SOX5: variants seen among roughly 807,000 people sequenced by gnomAD.
SOX5 encodes transcription factor SOX-5.
SOX5 carries 9 observed loss-of-function variants against 92.0 expected under a neutral mutation model. The ratio of observed to expected loss-of-function variants is 0.10; its 90% confidence interval spans 0.06 to 0.17. The LOEUF is 0.17. Ranked by LOEUF, SOX5 falls within the 10% of genes least tolerant of loss-of-function variation. The pLI is 1.00. For missense variants in SOX5, 642 were observed against 944.5 expected, an observed-to-expected ratio of 0.68 and a Z score of 4.20; for synonymous variants, 344 against 336.3, an observed-to-expected ratio of 1.02 and a Z score of -0.25.
At position 23,697,480 on chromosome 12, in the gene SOX5, C is replaced by T. The variant is rs535851879; in HGVS notation, c.811-31916G>A. 5.9e-5 allele frequency among the ~76,000 whole-genome samples: 9 copies of T among 152,132 alleles called. No individual in the cohort carries two copies. The South Asian group carries it at 1.9e-3, about 32-fold the overall frequency. On this transcript the variant is annotated intron_variant, in intron 6 of 14. Transcript: ENST00000451604. ...TGCAGACAACATACAGGTGTGTCTT[C>T]CTTCTTTTTTGTTAACTTGACAATC...
intron 4 of SOX5, among the ~76,000 whole-genome samples, chr12:23,970,715 A>G (rs867941148): frequency 6.7e-6 from 1 of 148,800 alleles, no homozygotes; most frequent in African/African-American, 2.5e-5. Context: ...TGTTTCCAAC[A>G]TTTGACCATT....
chr12:24,337,365 G>T (rs1441026003), intron 2 of SOX5, among the ~76,000 whole-genome samples: 1 of 148,802 alleles, frequency 6.7e-6, no homozygotes, highest in African/African-American at 2.5e-5. Context: ...AAGAGAGAGA[G>T]AGTTTCACTC....
chr12:24,444,629 G>T (rs1408041036), intron 1 of SOX5, among the ~76,000 whole-genome samples: 3 of 152,148 alleles, frequency 2.0e-5, no homozygotes. Context: ...AGTGCTCACA[G>T]CTTGGCCCCT....
intron 1 of SOX5, among the ~76,000 whole-genome samples, chr12:23,934,243 T>A (rs1207198819): frequency 1.3e-5 from 2 of 151,334 alleles, no homozygotes; most frequent in Non-Finnish European, 3.0e-5. Flanking sequence ...TAGAAAATAA[T>A]AAACATAAAC....
intron 8 of SOX5, among the ~76,000 whole-genome samples, chr12:23,639,035 G>A (rs992254730): frequency 8.6e-5 from 13 of 151,934 alleles, no homozygotes; most frequent in Non-Finnish European, 1.6e-4. Context: ...ATTTTAATGG[G>A]TACAATACCA....
At chr12:23,784,841 G>A (rs1214951922) in intron 3 of SOX5, among the ~76,000 whole-genome samples, 4 of 152,246 alleles carry the variant, frequency 2.6e-5, no homozygotes, top group Admixed American at 2.6e-4. Context: ...CTTTGAGAGG[G>A]TAAGGTGGGA....
intron 2 of SOX5, among the ~76,000 whole-genome samples, chr12:23,866,458 T>A (rs373395379): frequency 6.6e-6 from 1 of 152,214 alleles, no homozygotes; most frequent in South Asian, 2.1e-4. Flanking sequence ...TAAGCCTCTG[T>A]CACTAGGAGA....
At chr12:24,527,233 T>A (rs1383142462) in intron 1 of SOX5, among the ~76,000 whole-genome samples, 2 of 152,156 alleles carry the variant, frequency 1.3e-5, no homozygotes, top group East Asian at 3.8e-4. Context: ...CACCAACCCA[T>A]GAGCTAGCTA....
intron 9 of SOX5, among the ~76,000 whole-genome samples, chr12:23,595,889 C>CACA (rs1267584712): frequency 2.6e-5 from 4 of 152,136 alleles, no homozygotes; most frequent in African/African-American, 9.7e-5. Flanking sequence ...ATCCTTGTAA[C>CACA]ACAACTGTAC....
At position 23,593,033 on chromosome 12, in the gene SOX5, C is replaced by T. The variant is rs777638526; in HGVS notation, c.1164+11354G>A. Among the ~76,000 whole-genome samples, 19 of 152,070 alleles carry T rather than the reference C, an allele frequency of 1.2e-4. No homozygotes were observed. In the East Asian group the frequency reaches 1.9e-3, roughly 15 times the overall value. On this transcript the variant is annotated intron_variant, in intron 9 of 14. Coordinates refer to ENST00000451604, the MANE Select transcript of SOX5 (RefSeq NM_006940.6). ...GGCAAAGGTTGCAGTGAGCCAAGAT[C>T]GCGCCCCTGCACTCCAGCCTGGGCA...
In SOX5 at chr12:23,534,339, T is replaced by C. The variant is rs778096714; in HGVS notation, c.2172A>G (p.Glu724=). Residue 724 remains glutamate (E), a synonymous_variant, in exon 15 of 15, where the codon GAA becomes GAG. Coordinates refer to ENST00000451604, the MANE Select transcript of SOX5 (RefSeq NM_006940.6). ...GVKGEEPHIK[E]EIQAEDINGE... ...CATTGATGTCCTCGGCCTGTATCTC[T>C]TCTTTGATATGTGGCTCCTCTCCTT... 27 of 1,614,020 alleles carry C rather than the reference T, an allele frequency of 1.7e-5. No individual in the cohort carries two copies. The East Asian group carries it at 5.6e-4, about 33-fold the overall frequency.
At chr12:24,360,514 T>C (rs1184222589) in intron 2 of SOX5, among the ~76,000 whole-genome samples, 2 of 152,204 alleles carry the variant, frequency 1.3e-5, no homozygotes, top group Non-Finnish European at 2.9e-5. Context: ...TAAGGCCTTG[T>C]TAGCAAGGCA....
chr12:24,381,370 A>C (rs917071052), intron 1 of SOX5, among the ~76,000 whole-genome samples: 2 of 152,236 alleles, frequency 1.3e-5, no homozygotes, highest in Non-Finnish European at 2.9e-5. Flanking sequence ...TGAGAGTACT[A>C]GGCAGGCCCT....
chr12:23,995,473 T>A (rs930028186), intron 4 of SOX5, among the ~76,000 whole-genome samples: 1 of 152,126 alleles, frequency 6.6e-6, no homozygotes, highest in African/African-American at 2.4e-5. Context: ...GGCAGAAGGA[T>A]CACTTGAGGC....
rs1399069395 is a variant in SOX5 at position 23,559,131 on chromosome 12, A to G, written c.1488+4127T>C. 3.9e-5 allele frequency among the ~76,000 whole-genome samples: 6 copies of G among 152,184 alleles called. No homozygotes were observed. In the East Asian group the frequency reaches 1.2e-3, roughly 29 times the overall value. On this transcript the variant is annotated intron_variant, in intron 11 of 14. Coordinates refer to ENST00000451604, the MANE Select transcript of SOX5 (RefSeq NM_006940.6). Reference sequence around the variant, plus strand: ...CAGGACAACAAAAACTGAGCTTTTTATAATCTCTTATTAATATGGATACTT... The same window carrying G: ...CAGGACAACAAAAACTGAGCTTTTTGTAATCTCTTATTAATATGGATACTT...
intron 1 of SOX5, among the ~76,000 whole-genome samples, chr12:23,918,750 C>T (rs756782492): frequency 6.6e-6 from 1 of 151,808 alleles, no homozygotes; most frequent in Non-Finnish European, 1.5e-5. Context: ...AACCCCGTCT[C>T]TACTGAAAAT....
intron 2 of SOX5, among the ~76,000 whole-genome samples, chr12:23,856,208 G>A (rs2955529): frequency 0.69 from 105,291 of 151,914 alleles, 36,685 homozygotes; most frequent in East Asian, 0.88. Flanking sequence ...TGAGATAGTC[G>A]TTCTTAATGT....
intron 6 of SOX5, among the ~76,000 whole-genome samples, chr12:23,688,355 G>T (rs1215482380): frequency 1.3e-5 from 2 of 151,968 alleles, no homozygotes; most frequent in African/African-American, 2.4e-5. Flanking sequence ...TTAATCAAAT[G>T]GTTCTGATAC....
chr12:24,158,248 A>G (rs1270110068), intron 4 of SOX5, among the ~76,000 whole-genome samples: 1 of 152,076 alleles, frequency 6.6e-6, no homozygotes, highest in African/African-American at 2.4e-5. Context: ...AGCTAATGCA[A>G]TAAAAATGTT....
Sources: allele counts gnomAD v4.1 joint callset (sites outside exome capture counted in the v4.1 genomes callset), GRCh38; gene constraint gnomAD v4.1.1; transcripts MANE v1.5; gene names NCBI Gene and HGNC (gene_info 2026-07-23, HGNC 2026-07-21).